Variants in RAP1GDS1 observed in about 807,000 individuals in gnomAD.
The protein encoded by RAP1GDS1 is RAP1, GTP-GDP dissociation stimulator 1.
RAP1GDS1 carries 35 observed loss-of-function variants against 71.1 expected under a neutral mutation model. The observed-to-expected ratio is 0.49, with a 90% CI of 0.38 to 0.65. The LOEUF is 0.65. RAP1GDS1 is among the 30% of genes least tolerant of loss of function. The pLI, the probability that RAP1GDS1 is intolerant of heterozygous loss-of-function variation, is 0.00. For missense variants in RAP1GDS1, 663 were observed against 706.1 expected (o/e 0.94, Z 0.69); for synonymous variants, 229 against 243.1 (o/e 0.94, Z 0.54).
At chr4:98,319,954 T>G (rs76450707) in intron 2 of RAP1GDS1, among the ~76,000 whole-genome samples, 6,958 of 152,174 alleles carry the variant, frequency 0.046, 390 homozygotes, top group African/African-American at 0.13. Flanking sequence ...CCTCTTCATC[T>G]TCCTCCACAG....
intron 6 of RAP1GDS1, among the ~76,000 whole-genome samples, chr4:98,404,136 A>G (rs774614894): frequency 2.6e-5 from 4 of 152,206 alleles, no homozygotes; most frequent in Non-Finnish European, 4.4e-5. Flanking sequence ...TAATGATACT[A>G]AAGATAAGTC....
At chr4:98,401,142 G>T (rs2110147711) in intron 6 of RAP1GDS1, among the ~76,000 whole-genome samples, 1 of 152,268 alleles carries the variant, frequency 6.6e-6, no homozygotes, top group South Asian at 2.1e-4. Context: ...ATCCAGGTTG[G>T]GTTAGGTCAA....
chr4:98,420,179 A>G lies in RAP1GDS1; in HGVS notation c.1300+35A>G, dbSNP rs370100605. ...ATGTTTTCCCCAACTTGCATTTTTCATATGATAGTCTTAATGTGCCTCTAG... is the reference window on the plus strand; with the variant it reads ...ATGTTTTCCCCAACTTGCATTTTTCGTATGATAGTCTTAATGTGCCTCTAG... On this transcript the variant is annotated intron_variant, in intron 11 of 14. Transcript: ENST00000408927. The G allele has an allele frequency of 3.4e-4, 506 of 1,480,596 alleles. 2 individuals carry two copies. Among genetic ancestry groups the G allele is most frequent in the South Asian group, 3.4e-3 (223 of 65,952 alleles). The allele number at this position is 1,480,596 out of a possible 1,614,324, so 91.7% of individuals were successfully genotyped here.
intron 5 of RAP1GDS1, among the ~76,000 whole-genome samples, chr4:98,388,826 C>CT (rs879660266): frequency 6.6e-6 from 1 of 151,834 alleles, no homozygotes; most frequent in South Asian, 2.1e-4. Context: ...ACCTAGAAGA[C>CT]TTTTTTTATG....
intron 2 of RAP1GDS1, among the ~76,000 whole-genome samples, chr4:98,326,932 C>G (rs1733198182): frequency 6.6e-6 from 1 of 152,116 alleles, no homozygotes; most frequent in African/African-American, 2.4e-5. Context: ...CTGATACAAG[C>G]TAGTCTGATG....
intron 2 of RAP1GDS1, among the ~76,000 whole-genome samples, chr4:98,333,784 G>T (rs1365994351): frequency 6.6e-6 from 1 of 151,934 alleles, no homozygotes; most frequent in Non-Finnish European, 1.5e-5. Context: ...TGAATATCAG[G>T]CATTCACCTA....
At chr4:98,430,387 A>G (rs1177419654) in intron 12 of RAP1GDS1, among the ~76,000 whole-genome samples, 1 of 152,200 alleles carries the variant, frequency 6.6e-6, no homozygotes, top group Non-Finnish European at 1.5e-5. Context: ...AAAGTGTGTT[A>G]ATTGCATGAG....
At chr4:98,317,782 C>T (rs552562647) in intron 2 of RAP1GDS1, among the ~76,000 whole-genome samples, 1 of 150,864 alleles carries the variant, frequency 6.6e-6, no homozygotes, top group African/African-American at 2.4e-5. Context: ...ACGCGATGCT[C>T]TATGCTGTTA....
intron 12 of RAP1GDS1, 96 bp from the exon 13 acceptor site, chr4:98,433,838 CTG>C (rs749476283): frequency 1.5e-5 from 18 of 1,184,768 alleles, no homozygotes; most frequent in Admixed American, 4.3e-5. Flanking sequence ...ATACAGGACA[CTG>C]TCGCAAAACC....
At position 98,343,393 on chromosome 4, in the gene RAP1GDS1, G is replaced by C. The variant is rs527657501; in HGVS notation, c.235+132G>C. ...TTTTATTTCTATTTATCTTTTGTTT[G>C]ACTCTTCATGTAATTGTTTTAAATG... On this transcript the variant is annotated intron_variant, in intron 3 of 14. Transcript: ENST00000408927. 15 of 1,145,958 alleles carry C rather than the reference G, an allele frequency of 1.3e-5. No homozygotes were observed. The African/African-American group carries it at 1.4e-4, about 11-fold the overall frequency. 71.0% of individuals were successfully genotyped at this position (1,145,958 alleles called of 1,614,324 possible). A position where few individuals can be genotyped will look rare whatever the true frequency, so the allele number is the denominator to read the frequency against.
chr4:98,283,926 C>A (rs947446836), intron 1 of RAP1GDS1, among the ~76,000 whole-genome samples: 2 of 150,708 alleles, frequency 1.3e-5, no homozygotes, highest in Admixed American at 6.7e-5. Flanking sequence ...GAAGAGCTTA[C>A]ATCTATATAA....
chr4:98,302,821 G>C (rs146547450), intron 2 of RAP1GDS1, among the ~76,000 whole-genome samples: 1 of 152,266 alleles, frequency 6.6e-6, no homozygotes, highest in African/African-American at 2.4e-5. Flanking sequence ...CAAGGTGGGC[G>C]GATCACTTGA....
intron 4 of RAP1GDS1, among the ~76,000 whole-genome samples, chr4:98,378,205 T>C (rs914440866): frequency 6.6e-6 from 1 of 151,948 alleles, no homozygotes; most frequent in Non-Finnish European, 1.5e-5. Flanking sequence ...CTTCTTTTAA[T>C]TTATTTTCAT....
At chr4:98,307,440 G>A (rs1729490056) in intron 2 of RAP1GDS1, among the ~76,000 whole-genome samples, 2 of 152,018 alleles carry the variant, frequency 1.3e-5, no homozygotes, top group Admixed American at 6.6e-5. Context: ...TATTGGAATT[G>A]TAATAAGTCA....
chr4:98,351,487 G>A (rs1352643978), intron 3 of RAP1GDS1, among the ~76,000 whole-genome samples: 3 of 152,080 alleles, frequency 2.0e-5, no homozygotes, highest in Non-Finnish European at 2.9e-5. Context: ...AAACCAAGGG[G>A]TAGACCATCT....
chr4:98,411,960 C>T (rs1279960015), intron 7 of RAP1GDS1, among the ~76,000 whole-genome samples: 1 of 152,082 alleles, frequency 6.6e-6, no homozygotes, highest in African/African-American at 2.4e-5. Flanking sequence ...TACAAGTGTA[C>T]CTTTTAAAGA....
chr4:98,378,562 A>G (rs1741518984), intron 4 of RAP1GDS1, among the ~76,000 whole-genome samples: 1 of 152,004 alleles, frequency 6.6e-6, no homozygotes, highest in Admixed American at 6.6e-5. Context: ...TAACGTTCCC[A>G]TATGGTTTTC....
intron 2 of RAP1GDS1, among the ~76,000 whole-genome samples, chr4:98,312,765 G>T (rs188428678): frequency 1.3e-5 from 2 of 151,566 alleles, no homozygotes; most frequent in South Asian, 2.1e-4. Flanking sequence ...AGGTATGGGC[G>T]GGGGGAGAGA....
At chr4:98,291,121 C>T (rs570683974) in intron 1 of RAP1GDS1, among the ~76,000 whole-genome samples, 131 of 152,124 alleles carry the variant, frequency 8.6e-4, no homozygotes, top group African/African-American at 3.1e-3. Context: ...CATTTAAAAC[C>T]TTTGACAGAG....
Sources: gnomAD v4.1 joint callset for allele counts (sites outside exome capture counted in the v4.1 genomes callset) on GRCh38, gnomAD v4.1.1 for gene constraint, MANE v1.5 for transcripts, NCBI Gene and HGNC (gene_info 2026-07-23, HGNC 2026-07-21) for gene names.